The following WIPI2 variants were observed in gnomAD, a reference collection of about 807,000 sequenced individuals.
WIPI2 encodes WD repeat domain, phosphoinositide interacting 2.
In WIPI2, 28 loss-of-function variants were observed where a neutral mutation model predicts 52.3. The ratio of observed to expected loss-of-function variants is 0.54; its 90% confidence interval spans 0.40 to 0.73. The LOEUF (loss-of-function observed/expected upper bound fraction) is 0.73, where lower values mean the gene tolerates loss of function less well. Ranked by LOEUF, WIPI2 falls within the 30% of genes least tolerant of loss-of-function variation. The pLI is 0.00. For missense variants in WIPI2, 506 were observed against 602.9 expected, an observed-to-expected ratio of 0.84 and a Z score of 1.68; for synonymous variants, 268 against 245.0, an observed-to-expected ratio of 1.09 and a Z score of -0.88.
intron 2 of WIPI2, among the ~76,000 whole-genome samples, chr7:5,195,096 C>T (rs1229507463): frequency 6.6e-6 from 1 of 152,142 alleles, no homozygotes; most frequent in African/African-American, 2.4e-5. Context: ...GGGCACCAGG[C>T]ACAGTTGAAG....
In WIPI2 at chr7:5,232,237, T is replaced by A. The variant is rs767212671; in HGVS notation, c.*1290T>A. 12 of 397,998 alleles carry A rather than the reference T, an allele frequency of 3.0e-5. No individual in the cohort carries two copies. The highest frequency in any genetic ancestry group is 4.9e-5 in the Non-Finnish European group (11 of 225,964). The allele number at this position is 397,998 out of a possible 1,614,324, so 24.7% of individuals were successfully genotyped here. ...TTTACCCTGCCTTTGCAGGCTGGGG[T>A]TTTTGAACCGAGGAAGGCTGGGACG... On this transcript the variant is annotated 3_prime_UTR_variant, in exon 13 of 13. Coordinates refer to ENST00000288828, the MANE Select transcript of WIPI2 (RefSeq NM_015610.4).
chr7:5,219,597 C>T (rs1782992435), intron 7 of WIPI2, among the ~76,000 whole-genome samples: 1 of 152,186 alleles, frequency 6.6e-6, no homozygotes, highest in Admixed American at 6.5e-5. Context: ...CTTAATCCTG[C>T]TTTCAAGAAT....
chr7:5,214,854 C>T, intron 4 of WIPI2, 150 bp downstream of exon 4: 1 of 889,338 alleles, frequency 1.1e-6, no homozygotes, highest in Non-Finnish European at 1.7e-6. Context: ...GAGACCAGCT[C>T]TGTTTCCTCA....
chr7:5,204,081 A>G (rs796629324), intron 3 of WIPI2, among the ~76,000 whole-genome samples: 5 of 152,206 alleles, frequency 3.3e-5, no homozygotes, highest in African/African-American at 9.6e-5. Flanking sequence ...GTCCACCATT[A>G]TTTCATGGGA....
At chr7:5,204,470 A>T (rs1338153456) in intron 3 of WIPI2, among the ~76,000 whole-genome samples, 1 of 152,184 alleles carries the variant, frequency 6.6e-6, no homozygotes, top group Non-Finnish European at 1.5e-5. Context: ...TAAAAATAAG[A>T]AAGTTCATCT....
chr7:5,194,214 G>A (rs1206884154), intron 2 of WIPI2, among the ~76,000 whole-genome samples: 2 of 152,184 alleles, frequency 1.3e-5, no homozygotes, highest in Non-Finnish European at 2.9e-5. Flanking sequence ...GATGTGAGGG[G>A]GAGCGGGGAT....
intron 3 of WIPI2, among the ~76,000 whole-genome samples, chr7:5,211,906 G>T (rs538536433): frequency 1.3e-5 from 2 of 152,128 alleles, no homozygotes; most frequent in Non-Finnish European, 2.9e-5. Context: ...TTGCAGTGCC[G>T]CACACACGCC....
chr7:5,227,397 G>A lies in WIPI2; in HGVS notation c.1013+53G>A. On this transcript the variant is annotated intron_variant, in intron 10 of 12. Coordinates refer to ENST00000288828, the MANE Select transcript of WIPI2 (RefSeq NM_015610.4). The surrounding 1 kb of genome is among the most constrained non-coding windows in gnomAD (Gnocchi z 8.1). ...CACCCCGTGTGCCTCAGGCCGAGGGGCCCAGTCCTGGCGGCTTGTGGCCCC... is the reference window on the plus strand; with the variant it reads ...CACCCCGTGTGCCTCAGGCCGAGGGACCCAGTCCTGGCGGCTTGTGGCCCC... 2 of 1,591,184 alleles carry A rather than the reference G, an allele frequency of 1.3e-6. No individual in the cohort carries two copies. The highest frequency in any genetic ancestry group is 1.8e-4 in the Middle Eastern group (1 of 5,658).
rs1036707283 is a variant in WIPI2, at chr7:5,216,743, T to C, written c.478+84T>C. ...TATAGGTGAGAGAGATTTTTTCTTT[T>C]TATAGGTTCCGCAGATGAGACAGAT... On this transcript the variant is annotated intron_variant, in intron 5 of 12. Transcript: ENST00000288828. The C allele has an allele frequency of 5.9e-6, 8 of 1,357,060 alleles. No individual in the cohort carries two copies. The African/African-American group carries it at 8.7e-5, about 15-fold the overall frequency. 84.1% of individuals were successfully genotyped at this position (1,357,060 alleles called of 1,614,324 possible). A position where few individuals can be genotyped will look rare whatever the true frequency, so the allele number is the denominator to read the frequency against.
Position 5,222,571 on chromosome 7 carries a change from C to G in WIPI2, c.670-31C>G, listed in dbSNP as rs1286228157. 5 of 1,605,388 alleles carry G rather than the reference C, an allele frequency of 3.1e-6. No homozygotes were observed. The South Asian group carries it at 3.3e-5, about 11-fold the overall frequency. On this transcript the variant is annotated intron_variant, in intron 7 of 12. Coordinates refer to ENST00000288828, the MANE Select transcript of WIPI2 (RefSeq NM_015610.4). Reference sequence around the variant, plus strand: ...GGGAAATTCCTGTTTTAACTCAGCTCAAATTCTTCTTTTCTCTTTTCCTTC... The same window carrying G: ...GGGAAATTCCTGTTTTAACTCAGCTGAAATTCTTCTTTTCTCTTTTCCTTC...
At chr7:5,213,894 C>T (rs370610232) in intron 3 of WIPI2, among the ~76,000 whole-genome samples, 1 of 152,104 alleles carries the variant, frequency 6.6e-6, no homozygotes, top group East Asian at 1.9e-4. Context: ...ACCATGTTAG[C>T]CAGGATGGTC....
At chr7:5,226,897 C>G in intron 9 of WIPI2, 1 of 427,724 alleles carries the variant, frequency 2.3e-6, no homozygotes, top group East Asian at 4.3e-5. Flanking sequence ...CGTCCTCACA[C>G]CCTTGCAAAG....
At position 5,227,345 on chromosome 7, in the gene WIPI2, G is replaced by C; in HGVS notation, c.1013+1G>C. 6.2e-7 allele frequency: 1 copy of C among 1,612,572 alleles called. No individual in the cohort carries two copies. Among genetic ancestry groups the C allele is most frequent in the Non-Finnish European group, 8.5e-7 (1 of 1,179,954 alleles). ...ACAAAAACATCTGCTCGCTAGCCAC[G>C]TGAGTAGAGCCGGCGCCTCCGTCCC... On this transcript the variant is annotated splice_donor_variant, in intron 10 of 12. Transcript: ENST00000288828. LOFTEE classifies it high-confidence loss of function. This position sits in a 1 kb window ranked among gnomAD's most constrained non-coding sequence, Gnocchi z 8.1.
At position 5,232,392 on chromosome 7, in the gene WIPI2, G is replaced by A. The variant is rs1783766257; in HGVS notation, c.*1445G>A. ...GCTTTACGGCAAACTAAATGCAGGG[G>A]ACGCTGGAGTCCGACTCACCTACAC... On this transcript the variant is annotated 3_prime_UTR_variant, in exon 13 of 13. Coordinates refer to ENST00000288828, the MANE Select transcript of WIPI2 (RefSeq NM_015610.4). The A allele has an allele frequency of 2.5e-6, 1 of 398,310 alleles. No individual in the cohort carries two copies. Among genetic ancestry groups the A allele is most frequent in the African/African-American group, 2.1e-5 (1 of 48,648 alleles). The allele number at this position is 398,310 out of a possible 1,614,324, so 24.7% of individuals were successfully genotyped here. A position where few individuals can be genotyped will look rare whatever the true frequency, so the allele number is the denominator to read the frequency against.
chr7:5,208,405 C>G (rs1383374549), intron 3 of WIPI2, among the ~76,000 whole-genome samples: 1 of 141,126 alleles, frequency 7.1e-6, no homozygotes, highest in Middle Eastern at 3.4e-3. Flanking sequence ...AATTTTGATG[C>G]AGTCATATTT....
chr7:5,209,641 A>G (rs897168014), intron 3 of WIPI2, among the ~76,000 whole-genome samples: 9 of 152,022 alleles, frequency 5.9e-5, no homozygotes, highest in Non-Finnish European at 1.0e-4. Context: ...TCACTTTGAA[A>G]TCTCCCACCT....
chr7:5,190,467 C>T lies in WIPI2; in HGVS notation c.48C>T (p.Leu16=). The T allele has an allele frequency of 4.0e-6, 6 of 1,508,986 alleles. No homozygotes were observed. The highest frequency in any genetic ancestry group is 1.3e-5 in the South Asian group (1 of 79,504). The allele number at this position is 1,508,986 out of a possible 1,614,324, so 93.5% of individuals were successfully genotyped here. A position where few individuals can be genotyped will look rare whatever the true frequency, so the allele number is the denominator to read the frequency against. Residue 16 remains leucine, a synonymous_variant, in exon 1 of 13, where the codon CTC becomes CTT. Coordinates refer to ENST00000288828, the MANE Select transcript of WIPI2 (RefSeq NM_015610.4). ...GGGAGGCCGGCGCCGGCCAGCTGCT[C>T]TTCGCCAACTTCAACCAGGACAACA... is the stretch of plus-strand genomic sequence containing the variant. The part of the protein sequence containing the change: ...QSGEAGAGQL[L]FANFNQDNTE...
intron 3 of WIPI2, among the ~76,000 whole-genome samples, chr7:5,205,878 C>A (rs563636230): frequency 4.6e-5 from 3 of 65,210 alleles, no homozygotes; most frequent in African/African-American, 1.7e-4. Context: ...CATGTGCTGC[C>A]ACTGTTTTTT....
chr7:5,193,690 C>T (rs1273827436), intron 2 of WIPI2, among the ~76,000 whole-genome samples: 2 of 152,214 alleles, frequency 1.3e-5, no homozygotes, highest in Non-Finnish European at 2.9e-5. Flanking sequence ...GTCCTCCTGC[C>T]TCAGCCTCCC....
Sources: allele counts gnomAD v4.1 joint callset (sites outside exome capture counted in the v4.1 genomes callset), GRCh38; gene constraint gnomAD v4.1.1; non-coding constraint Gnocchi (gnomAD v3.1); transcripts MANE v1.5; gene names NCBI Gene and HGNC (gene_info 2026-07-23, HGNC 2026-07-21).